The following ITGAE variants were observed in gnomAD, a reference collection of about 807,000 sequenced individuals.
The protein encoded by ITGAE is integrin subunit alpha E.
In ITGAE, 99 loss-of-function variants were observed where a neutral mutation model predicts 136.5. That is an observed-to-expected ratio of 0.73 (90% confidence interval 0.62 to 0.86). The LOEUF (loss-of-function observed/expected upper bound fraction) is 0.86. Among genes scored for constraint, ITGAE ranks in the 40% least tolerant of loss-of-function variants. The pLI, the probability that ITGAE is intolerant of heterozygous loss-of-function variation, is 0.00. For synonymous variants in ITGAE, 613 were observed against 591.8 expected (o/e 1.04, Z -0.52); for missense variants, 1,447 against 1,515.3 (o/e 0.95, Z 0.75).
chr17:3,761,880 C>T (rs1454320302), intron 4 of ITGAE, 35 bp downstream of exon 4: 1 of 1,591,630 alleles, frequency 6.3e-7, no homozygotes, highest in Admixed American at 1.7e-5. Flanking sequence ...CACCAGCCTC[C>T]CTAAGGCCCT....
At position 3,799,924 on chromosome 17, in the gene ITGAE, G is replaced by C; in HGVS notation, c.34+1187C>G. ...TCGATCACCTGAGGGCAGGAGACCAGCCTGACCAATATGGTGAGACCCTGT... is the reference window on the plus strand; with the variant it reads ...TCGATCACCTGAGGGCAGGAGACCACCCTGACCAATATGGTGAGACCCTGT... On this transcript the variant is annotated intron_variant, in intron 1 of 30. Transcript: ENST00000263087. The surrounding 1 kb of genome is among the most constrained non-coding windows in gnomAD (Gnocchi z 4.1). 6.6e-6 allele frequency among the ~76,000 whole-genome samples: 1 copy of C among 152,064 alleles called. No homozygotes were observed. The highest frequency in any genetic ancestry group is 1.9e-4 in the East Asian group (1 of 5,158).
chr17:3,743,415 G>T (rs2051632269), intron 19 of ITGAE, 74 bp downstream of exon 19: 1 of 1,475,690 alleles, frequency 6.8e-7, no homozygotes, highest in Non-Finnish European at 9.0e-7. Context: ...ACCATTCTTG[G>T]AAGTTAGGGG....
At position 3,753,781 on chromosome 17, in the gene ITGAE, A is replaced by G; in HGVS notation, c.1527+2T>C. 1 of 1,614,092 alleles carries G rather than the reference A, an allele frequency of 6.2e-7. No homozygotes were observed. The highest frequency in any genetic ancestry group is 8.5e-7 in the Non-Finnish European group (1 of 1,180,010). On this transcript the variant is annotated splice_donor_variant, in intron 13 of 30. Coordinates refer to ENST00000263087, the MANE Select transcript of ITGAE (RefSeq NM_002208.5). LOFTEE classifies it high-confidence loss of function. ...GGGGTGGAGGCTTTCCCCAGCAGGTACCTGCTCTCCCTCCAGCACTGGCAG... is the reference window on the plus strand; with the variant it reads ...GGGGTGGAGGCTTTCCCCAGCAGGTGCCTGCTCTCCCTCCAGCACTGGCAG...
intron 12 of ITGAE, 74 bp downstream of exon 12, chr17:3,755,043 A>G (rs1300085954): frequency 4.2e-5 from 32 of 757,180 alleles, no homozygotes; most frequent in South Asian, 2.4e-4. Context: ...CTCAGGCCCC[A>G]CCCTCGCCCA....
intron 2 of ITGAE, among the ~76,000 whole-genome samples, chr17:3,775,982 G>T (rs551193694): frequency 6.6e-6 from 1 of 151,590 alleles, no homozygotes; most frequent in Admixed American, 6.6e-5. Flanking sequence ...TAATAGGTGG[G>T]TATAGATGAT....
chr17:3,747,774 C>T (rs2051752386), intron 17 of ITGAE, 148 bp downstream of exon 17: 4 of 605,834 alleles, frequency 6.6e-6, no homozygotes, highest in Non-Finnish European at 1.1e-5. Context: ...GACTAAGGAG[C>T]TAAGCTCTAA....
chr17:3,785,599 T>A (rs1269613744), intron 1 of ITGAE, among the ~76,000 whole-genome samples: 1 of 150,876 alleles, frequency 6.6e-6, no homozygotes, highest in African/African-American at 2.4e-5. Flanking sequence ...AGCAATGCAT[T>A]TCTAAATAAC....
chr17:3,775,035 G>T (rs1256015367), intron 2 of ITGAE, among the ~76,000 whole-genome samples: 6 of 151,792 alleles, frequency 4.0e-5, no homozygotes, highest in African/African-American at 1.5e-4. Flanking sequence ...CGACTCACCC[G>T]CCCCCGGGCT....
intron 14 of ITGAE, among the ~76,000 whole-genome samples, chr17:3,752,757 A>G (rs907092502): frequency 4.7e-5 from 7 of 150,438 alleles, no homozygotes; most frequent in African/African-American, 1.7e-4. Flanking sequence ...TCTCGGAAAA[A>G]AAAAAAAAAA....
intron 1 of ITGAE, among the ~76,000 whole-genome samples, chr17:3,786,614 G>C (rs1245244371): frequency 1.3e-5 from 2 of 152,028 alleles, no homozygotes; most frequent in East Asian, 3.9e-4. Context: ...TAATACGGCC[G>C]GGTGCAGTGG....
In ITGAE at chr17:3,753,800, C is replaced by G; in HGVS notation, c.1510G>C (p.Val504Leu). ...KEGREASFLP[V>L]LEGEQMGSYF... ...GCAGGTACCTGCTCTCCCTCCAGCA[C>G]TGGCAGGAAGCTGGCCTCTCTGCCC... The change falls in exon 13 of 31, where the codon GTG (valine) becomes CTG (leucine). Residue 504 changes from valine (V) to leucine (L), a missense_variant. By Grantham distance (32) the Val-to-Leu change is conservative (BLOSUM62 1). Coordinates refer to ENST00000263087, the MANE Select transcript of ITGAE (RefSeq NM_002208.5). 1 of 1,614,252 alleles carries G rather than the reference C, an allele frequency of 6.2e-7. No homozygotes were observed. The highest frequency in any genetic ancestry group is 8.5e-7 in the Non-Finnish European group (1 of 1,180,046).
chr17:3,724,129 A>G (rs2051142988), intron 26 of ITGAE: 1 of 1,594,510 alleles, frequency 6.3e-7, no homozygotes, highest in Admixed American at 1.7e-5. Flanking sequence ...GATCCTGACG[A>G]TCCCGACGAC....
chr17:3,716,114 T>C (rs1211063327), intron 30 of ITGAE, among the ~76,000 whole-genome samples: 1 of 150,096 alleles, frequency 6.7e-6, no homozygotes, highest in Non-Finnish European at 1.5e-5. Context: ...AAGGTTGCAG[T>C]GAGCCGAGAT....
At chr17:3,774,576 C>T (rs2052497924) in intron 2 of ITGAE, among the ~76,000 whole-genome samples, 1 of 152,070 alleles carries the variant, frequency 6.6e-6, no homozygotes, top group African/African-American at 2.4e-5. Context: ...CCATCCTGGC[C>T]AACGTGGCGA....
intron 1 of ITGAE, among the ~76,000 whole-genome samples, chr17:3,782,143 C>T (rs1354030854): frequency 3.3e-5 from 5 of 151,270 alleles, no homozygotes; most frequent in South Asian, 2.1e-4. Flanking sequence ...GGCATGGTGG[C>T]GGGTGCCTAT....
chr17:3,763,175 G>A (rs900264996), intron 3 of ITGAE, among the ~76,000 whole-genome samples: 2 of 152,158 alleles, frequency 1.3e-5, no homozygotes, highest in African/African-American at 4.8e-5. Context: ...TTACAGGCGT[G>A]AGCCACGGCG....
intron 1 of ITGAE, among the ~76,000 whole-genome samples, chr17:3,795,466 C>A (rs1358150594): frequency 1.3e-5 from 2 of 152,238 alleles, no homozygotes; most frequent in Non-Finnish European, 2.9e-5. Flanking sequence ...GCCTTCCAGG[C>A]ACCACGCTAG....
chr17:3,736,971 G>A (rs926346800), intron 20 of ITGAE, among the ~76,000 whole-genome samples: 52 of 151,834 alleles, frequency 3.4e-4, no homozygotes, highest in African/African-American at 1.1e-3. Flanking sequence ...GTCTCCACCC[G>A]AGAGATGATA....
intron 1 of ITGAE, among the ~76,000 whole-genome samples, chr17:3,790,377 C>G (rs1160815507): frequency 6.6e-6 from 1 of 151,918 alleles, no homozygotes; most frequent in Non-Finnish European, 1.5e-5. Context: ...CGTAGTGGCG[C>G]ATGCCTGTAG....
Sources: gnomAD v4.1 joint callset for allele counts (sites outside exome capture counted in the v4.1 genomes callset) on GRCh38, gnomAD v4.1.1 for gene constraint, Gnocchi (gnomAD v3.1) non-coding constraint, MANE v1.5 for transcripts, NCBI Gene and HGNC (gene_info 2026-07-23, HGNC 2026-07-21) for gene names.